CPXM2: variants seen among roughly 807,000 people sequenced by gnomAD.
CPXM2 encodes inactive carboxypeptidase-like protein X2.
In CPXM2, 66 loss-of-function variants were observed where a neutral mutation model predicts 86.1. That is an observed-to-expected ratio of 0.77 (90% CI 0.63 to 0.94). The LOEUF (loss-of-function observed/expected upper bound fraction) is 0.94, where lower values mean the gene tolerates loss of function less well. Ranked by LOEUF, CPXM2 falls within the 40% of genes least tolerant of loss-of-function variation. CPXM2 has a pLI of 0.00. For missense variants in CPXM2, 948 were observed against 1,026.3 expected (o/e 0.92, Z 1.04); for synonymous variants, 388 against 400.2 (o/e 0.97, Z 0.36).
At chr10:123,906,052 C>T (rs561808367) in intron 2 of CPXM2, among the ~76,000 whole-genome samples, 1 of 152,292 alleles carries the variant, frequency 6.6e-6, no homozygotes, top group Admixed American at 6.5e-5. Context: ...CCACATGGCC[C>T]GCACCTTTGC....
At chr10:123,817,979 T>C (rs1335132597) in intron 4 of CPXM2, among the ~76,000 whole-genome samples, 2 of 152,178 alleles carry the variant, frequency 1.3e-5, no homozygotes, top group Admixed American at 6.5e-5. Flanking sequence ...TACTGATACA[T>C]GGGCTGTAGC....
At chr10:123,815,606 G>C (rs1847797601) in intron 4 of CPXM2, among the ~76,000 whole-genome samples, 1 of 152,134 alleles carries the variant, frequency 6.6e-6, no homozygotes, top group Non-Finnish European at 1.5e-5. Flanking sequence ...TTTGTCTGAG[G>C]AGATAAACCC....
chr10:123,799,024 A>G (rs909688504), intron 5 of CPXM2, 91 bp downstream of exon 5: 5 of 1,449,212 alleles, frequency 3.5e-6, no homozygotes, highest in Middle Eastern at 1.7e-4. Flanking sequence ...GAATCCACAA[A>G]TCTCCAAAGA....
chr10:123,857,001 T>C (rs1412416219), intron 3 of CPXM2, among the ~76,000 whole-genome samples: 2 of 152,164 alleles, frequency 1.3e-5, no homozygotes, highest in Non-Finnish European at 2.9e-5. Flanking sequence ...AGTGACTGTT[T>C]CTAAATGAGA....
chr10:123,866,251 G>A (rs539942687), intron 2 of CPXM2, among the ~76,000 whole-genome samples: 31 of 152,152 alleles, frequency 2.0e-4, no homozygotes, highest in Middle Eastern at 6.8e-3. Flanking sequence ...GCCACTCAGC[G>A]TCCAATCACA....
chr10:123,767,028 T>C lies in CPXM2; in HGVS notation c.1424A>G (p.Lys475Arg). 1 of 1,614,216 alleles carries C rather than the reference T, an allele frequency of 6.2e-7. No individual in the cohort carries two copies. Among genetic ancestry groups the C allele is most frequent in the Admixed American group, 1.7e-5 (1 of 60,032 alleles). Reference sequence around the variant, plus strand: ...GATTGCAATATAGTGATTGGGAACTTTCCTGGGGACATTCTGTCGATCCTC... The same window carrying C: ...GATTGCAATATAGTGATTGGGAACTCTCCTGGGGACATTCTGTCGATCCTC... ...EAEDRQNVPRKVPNHYIAIPE... is the reference protein window; with the variant it reads ...EAEDRQNVPRRVPNHYIAIPE... The change falls in exon 10 of 14, where the codon AAA (lysine) becomes AGA (arginine). Residue 475 changes from lysine (K) to arginine (R), a missense_variant. By Grantham distance (26) the Lys-to-Arg change is conservative (BLOSUM62 2). Coordinates refer to ENST00000241305, the MANE Select transcript of CPXM2 (RefSeq NM_198148.3).
intron 4 of CPXM2, among the ~76,000 whole-genome samples, chr10:123,816,664 T>C (rs1197097072): frequency 1.5e-4 from 23 of 152,256 alleles, no homozygotes; most frequent in Non-Finnish European, 2.1e-4. Context: ...TATGCAGCCA[T>C]TGACTTGGCA....
At chr10:123,837,626 T>C (rs1848306550) in intron 4 of CPXM2, among the ~76,000 whole-genome samples, 1 of 152,180 alleles carries the variant, frequency 6.6e-6, no homozygotes, top group Non-Finnish European at 1.5e-5. Context: ...TATACTAACA[T>C]TGCACAAAAT....
chr10:123,808,400 T>G (rs1261129853), intron 4 of CPXM2, among the ~76,000 whole-genome samples: 1 of 148,702 alleles, frequency 6.7e-6, no homozygotes, highest in Admixed American at 6.6e-5. Flanking sequence ...AACCAGCTGT[T>G]AGCTGAAAAA....
At chr10:123,839,093 G>A (rs905430013) in intron 4 of CPXM2, among the ~76,000 whole-genome samples, 2 of 152,174 alleles carry the variant, frequency 1.3e-5, no homozygotes, top group African/African-American at 2.4e-5. Flanking sequence ...AAGACGTGTG[G>A]CAGGAAGAGC....
chr10:123,876,624 G>T (rs896887162), intron 2 of CPXM2, among the ~76,000 whole-genome samples: 7 of 152,196 alleles, frequency 4.6e-5, no homozygotes, highest in African/African-American at 1.7e-4. Flanking sequence ...TATTTTAAGG[G>T]TTACCTTTTA....
chr10:123,832,908 G>A (rs1466365409), intron 4 of CPXM2, among the ~76,000 whole-genome samples: 7 of 151,674 alleles, frequency 4.6e-5, no homozygotes, highest in Non-Finnish European at 8.8e-5. Context: ...AGGGTGAAGC[G>A]AGCACCTGAG....
chr10:123,862,364 G>A (rs1306088120), intron 3 of CPXM2, among the ~76,000 whole-genome samples: 1 of 152,236 alleles, frequency 6.6e-6, no homozygotes, highest in Non-Finnish European at 1.5e-5. Flanking sequence ...TGTTCAAAAG[G>A]TGGAAGAGGA....
intron 12 of CPXM2, among the ~76,000 whole-genome samples, chr10:123,756,782 C>A (rs1460467313): frequency 3.9e-5 from 6 of 152,224 alleles, no homozygotes; most frequent in African/African-American, 1.4e-4. Flanking sequence ...GGCAAGATGG[C>A]AGCCGAGGAG....
intron 4 of CPXM2, among the ~76,000 whole-genome samples, chr10:123,799,571 G>A (rs945006398): frequency 1.3e-5 from 2 of 152,194 alleles, no homozygotes; most frequent in African/African-American, 2.4e-5. Context: ...TCACACCCAA[G>A]AAGCTCAGTG....
chr10:123,785,957 GCT>G (rs1307298142), intron 6 of CPXM2, among the ~76,000 whole-genome samples: 8 of 152,122 alleles, frequency 5.3e-5, no homozygotes, highest in African/African-American at 1.7e-4. Flanking sequence ...AAGGATCACA[GCT>G]CTGACTAGGC....
Position 123,750,369 on chromosome 10 carries a change from C to T in CPXM2, c.2018-3352G>A, listed in dbSNP as rs537583330. On this transcript the variant is annotated intron_variant, in intron 13 of 13. Transcript: ENST00000241305. ...CCACTGCTCCCAGCCGGCCTCTCTCCAGCCACACAAGTCTTCCTTTTGTTC... is the reference window on the plus strand; with the variant it reads ...CCACTGCTCCCAGCCGGCCTCTCTCTAGCCACACAAGTCTTCCTTTTGTTC... 745 of 971,716 alleles carry T rather than the reference C, an allele frequency of 7.7e-4. 5 individuals are homozygous for T. The South Asian group carries it at 0.016, about 21-fold the overall frequency. 60.2% of individuals were successfully genotyped at this position (971,716 alleles called of 1,614,324 possible).
chr10:123,805,425 TATTA>T (rs1451873578), intron 4 of CPXM2, among the ~76,000 whole-genome samples: 1 of 152,166 alleles, frequency 6.6e-6, no homozygotes. Flanking sequence ...TAGTTCAAAA[TATTA>T]ATTCTTATTG....
intron 7 of CPXM2, among the ~76,000 whole-genome samples, chr10:123,772,724 GTTC>G (rs1846674426): frequency 6.6e-6 from 1 of 150,944 alleles, no homozygotes; most frequent in South Asian, 2.1e-4. Context: ...TCTGGTTGTG[GTTC>G]TTATCACTCT....
Sources: gnomAD v4.1 joint callset for allele counts (sites outside exome capture counted in the v4.1 genomes callset) on GRCh38, gnomAD v4.1.1 for gene constraint, MANE v1.5 for transcripts, NCBI Gene and HGNC (gene_info 2026-07-23, HGNC 2026-07-21) for gene names.